The following SHQ1 variants were observed in gnomAD, a reference collection of about 807,000 sequenced individuals.
The protein encoded by SHQ1 is protein SHQ1 homolog.
In SHQ1, 49 loss-of-function variants were observed where a neutral mutation model predicts 53.8. The observed-to-expected ratio is 0.91, with a 90% CI of 0.72 to 1.16. The LOEUF is 1.16. Among genes scored for constraint, SHQ1 ranks in the 50% most tolerant of loss-of-function variants. SHQ1 has a pLI of 0.00. For missense variants in SHQ1, 738 were observed against 683.1 expected (o/e 1.08, Z -0.90); for synonymous variants, 243 against 251.0 (o/e 0.97, Z 0.30).
intron 9 of SHQ1, 117 bp from the exon 10 acceptor site, chr3:72,793,153 T>C (rs1206106557): frequency 1.1e-6 from 1 of 946,058 alleles, no homozygotes; most frequent in South Asian, 1.8e-5. Flanking sequence ...CATTTTTAAA[T>C]GCAAAAAAAT....
chr3:72,787,867 G>A (rs969898924), intron 10 of SHQ1, among the ~76,000 whole-genome samples: 1 of 152,142 alleles, frequency 6.6e-6, no homozygotes, highest in African/African-American at 2.4e-5. Flanking sequence ...GGCGTGCGCC[G>A]CCACGCCTGA....
At chr3:72,763,827 T>C (rs536967909) in intron 10 of SHQ1, among the ~76,000 whole-genome samples, 1 of 152,280 alleles carries the variant, frequency 6.6e-6, no homozygotes, top group South Asian at 2.1e-4. Flanking sequence ...GACACCTTGA[T>C]TTTGGAATTC....
chr3:72,837,294 A>G (rs1708031563), intron 4 of SHQ1, among the ~76,000 whole-genome samples: 1 of 152,234 alleles, frequency 6.6e-6, no homozygotes, highest in Non-Finnish European at 1.5e-5. Flanking sequence ...TTCAGCAAAA[A>G]TATTTTATTT....
intron 5 of SHQ1, among the ~76,000 whole-genome samples, chr3:72,827,113 G>C (rs1389708415): frequency 6.6e-6 from 1 of 151,842 alleles, no homozygotes; most frequent in Non-Finnish European, 1.5e-5. Context: ...CTCGAGGAGT[G>C]AAAAATGACA....
At chr3:72,830,119 A>T (rs1707781504) in intron 5 of SHQ1, among the ~76,000 whole-genome samples, 1 of 152,110 alleles carries the variant, frequency 6.6e-6, no homozygotes, top group African/African-American at 2.4e-5. Context: ...TGCCAAAAAA[A>T]AAAAAACAGA....
intron 10 of SHQ1, among the ~76,000 whole-genome samples, chr3:72,771,205 C>A (rs898235372): frequency 1.3e-5 from 2 of 152,210 alleles, no homozygotes; most frequent in Non-Finnish European, 2.9e-5. Context: ...GTATCTAATT[C>A]TTCTTTAGTT....
intron 10 of SHQ1, among the ~76,000 whole-genome samples, chr3:72,759,093 C>T (rs954536966): frequency 2.0e-5 from 3 of 152,190 alleles, no homozygotes; most frequent in African/African-American, 7.2e-5. Flanking sequence ...GTCTTAGTGT[C>T]TCTTCTTTTC....
At chr3:72,837,794 C>T (rs1708046168) in intron 4 of SHQ1, among the ~76,000 whole-genome samples, 1 of 152,188 alleles carries the variant, frequency 6.6e-6, no homozygotes, top group Non-Finnish European at 1.5e-5. Context: ...CAGTTTTGAA[C>T]CACTTGTTAC....
At chr3:72,771,803 G>C (rs1705858081) in intron 10 of SHQ1, among the ~76,000 whole-genome samples, 1 of 152,236 alleles carries the variant, frequency 6.6e-6, no homozygotes, top group East Asian at 1.9e-4. Context: ...GCTGAAGGCA[G>C]ACATTTGAAA....
intron 10 of SHQ1, among the ~76,000 whole-genome samples, chr3:72,776,180 T>G (rs946313655): frequency 4.6e-5 from 7 of 152,238 alleles, no homozygotes; most frequent in Non-Finnish European, 1.0e-4. Context: ...TAGCTGGATA[T>G]GAAATCAATT....
At chr3:72,772,911 TA>T (rs1359743814) in intron 10 of SHQ1, 1 of 820,908 alleles carries the variant, frequency 1.2e-6, no homozygotes, top group African/African-American at 1.7e-5. Flanking sequence ...TTACAACTTC[TA>T]AATGGGAGTT....
chr3:72,760,256 A>AT (rs1329800009), intron 10 of SHQ1, among the ~76,000 whole-genome samples: 1 of 152,220 alleles, frequency 6.6e-6, no homozygotes, highest in Non-Finnish European at 1.5e-5. Flanking sequence ...TACTGGCAAG[A>AT]TGGATGGGAA....
intron 9 of SHQ1, among the ~76,000 whole-genome samples, chr3:72,810,122 TGAA>T (rs1707072067): frequency 1.3e-5 from 2 of 152,108 alleles, no homozygotes; most frequent in African/African-American, 4.8e-5. Flanking sequence ...CAATAAAAGT[TGAA>T]GAGACAGAGA....
intron 9 of SHQ1, among the ~76,000 whole-genome samples, chr3:72,800,186 G>A (rs752661848): frequency 1.3e-5 from 2 of 152,014 alleles, no homozygotes; most frequent in African/African-American, 4.8e-5. Context: ...CCTCTGCCAC[G>A]TTCTGATACA....
the SHQ1 span, among the ~76,000 whole-genome samples, chr3:72,737,721 GAA>G: frequency 6.6e-6 from 1 of 152,000 alleles, no homozygotes; most frequent in Non-Finnish European, 1.5e-5. Flanking sequence ...ATAATGACAC[GAA>G]AAAAAGTCTG....
chr3:72,758,401 G>A (rs927046267), intron 10 of SHQ1, among the ~76,000 whole-genome samples: 8 of 151,998 alleles, frequency 5.3e-5, no homozygotes, highest in Non-Finnish European at 1.2e-4. Flanking sequence ...CATTTCGTGG[G>A]CATAGGCTCT....
At chr3:72,814,590 C>A (rs1282517844) in intron 8 of SHQ1, 1 of 152,154 alleles carries the variant, frequency 6.6e-6, no homozygotes, top group Non-Finnish European at 1.5e-5. Flanking sequence ...AATGAAATAA[C>A]CTTGATTTTA....
At chr3:72,755,340 T>C (rs1171073227) in intron 10 of SHQ1, among the ~76,000 whole-genome samples, 11 of 152,180 alleles carry the variant, frequency 7.2e-5, no homozygotes, top group East Asian at 1.9e-4. Flanking sequence ...GATAAATTGA[T>C]TTTTGATCCT....
At chr3:72,843,384 A>G (rs1708236205) in intron 2 of SHQ1, among the ~76,000 whole-genome samples, 1 of 152,234 alleles carries the variant, frequency 6.6e-6, no homozygotes, top group African/African-American at 2.4e-5. Flanking sequence ...CCTAAAGTCT[A>G]TGGCAGACTC....
Sources: allele counts gnomAD v4.1 joint callset (sites outside exome capture counted in the v4.1 genomes callset), GRCh38; gene constraint gnomAD v4.1.1; transcripts MANE v1.5; gene names NCBI Gene and HGNC (gene_info 2026-07-23, HGNC 2026-07-21).